The following RASA2 variants were observed in gnomAD, a reference collection of about 807,000 sequenced individuals.
RASA2 encodes the protein ras GTPase-activating protein 2.
RASA2 carries 155 observed loss-of-function variants against 118.2 expected under a neutral mutation model. That is an observed-to-expected ratio of 1.31 (90% CI 1.15 to 1.50). The LOEUF (loss-of-function observed/expected upper bound fraction) is 1.50, where lower values mean the gene tolerates loss of function less well. Among genes scored for constraint, RASA2 ranks in the 40% most tolerant of loss-of-function variants. The pLI, the probability that RASA2 is intolerant of heterozygous loss-of-function variation, is 0.00. For missense variants in RASA2, 1,016 were observed against 1,009.6 expected (o/e 1.01, Z -0.09); for synonymous variants, 353 against 349.1 (o/e 1.01, Z -0.12).
At position 141,613,036 on chromosome 3, in the gene RASA2, A is replaced by G. The variant is rs958765507; in HGVS notation, c.*723A>G. The G allele has an allele frequency of 6.6e-6, 1 of 152,260 alleles. No homozygotes were observed. Among genetic ancestry groups the G allele is most frequent in the South Asian group, 2.1e-4 (1 of 4,834 alleles). The allele number at this position is 152,260 out of a possible 1,614,324, so 9.4% of individuals were successfully genotyped here. On this transcript the variant is annotated 3_prime_UTR_variant, in exon 24 of 24. Coordinates refer to ENST00000286364, the MANE Select transcript of RASA2 (RefSeq NM_006506.5). ...CCACTGAAATTGTTTTCATTGTTTT[A>G]AATACCAGGTACTCATTTTCTTGAT...
rs917583030 is a variant in RASA2, at chr3:141,559,064, G to A, written c.761+102G>A. 1.9e-5 allele frequency: 18 copies of A among 926,524 alleles called. No homozygotes were observed. The Admixed American group carries it at 2.1e-4, about 11-fold the overall frequency. The allele number at this position is 926,524 out of a possible 1,614,324, so 57.4% of individuals were successfully genotyped here. On this transcript the variant is annotated intron_variant, in intron 8 of 23. Coordinates refer to ENST00000286364, the MANE Select transcript of RASA2 (RefSeq NM_006506.5). ...ACCAACTTTAATAGAATTCTCTATA[G>A]CAAGTTGGTTGATGAAACTTAGAGG...
At chr3:141,514,542 T>C (rs756962874) in intron 2 of RASA2, among the ~76,000 whole-genome samples, 5 of 152,198 alleles carry the variant, frequency 3.3e-5, no homozygotes, top group Admixed American at 6.5e-5. Context: ...TAGCTAAAGT[T>C]AAAGGCTGTC....
chr3:141,526,720 A>G (rs1242080188), intron 3 of RASA2, among the ~76,000 whole-genome samples: 2 of 152,194 alleles, frequency 1.3e-5, no homozygotes, highest in Admixed American at 1.3e-4. Flanking sequence ...AGAAACTGAC[A>G]TCTTAAAAAG....
Position 141,586,629 on chromosome 3 carries a change from A to T in RASA2, c.1827-17A>T. 1 of 1,534,244 alleles carries T rather than the reference A, an allele frequency of 6.5e-7. No homozygotes were observed. Among genetic ancestry groups the T allele is most frequent in the Non-Finnish European group, 9.0e-7 (1 of 1,114,136 alleles). Reference sequence around the variant, plus strand: ...TTAATTTTTATAGCTAAATGTTTACATCTGTTATGTTGGCAGTGAGATGTA... The same window carrying T: ...TTAATTTTTATAGCTAAATGTTTACTTCTGTTATGTTGGCAGTGAGATGTA... On this transcript the variant is annotated splice_polypyrimidine_tract_variant and intron_variant, in intron 18 of 23. Transcript: ENST00000286364.
At position 141,555,586 on chromosome 3, in the gene RASA2, A is replaced by AAAAGGTTG. The variant is rs2082637068; in HGVS notation, c.612-253_612-246dup. ...TAGAATGTGTTTTTAAAACCCCTGA[A>AAAAGGTTG]AAAGGTTGGCAATCTAGTGTGTCCG... On this transcript the variant is annotated intron_variant, in intron 6 of 23. Transcript: ENST00000286364. Among the ~76,000 whole-genome samples, 2 of 151,462 alleles carry AAAAGGTTG rather than the reference A, an allele frequency of 1.3e-5. 1 individual carries two copies. The highest frequency in any genetic ancestry group is 4.2e-4 in the South Asian group (2 of 4,786).
intron 4 of RASA2, among the ~76,000 whole-genome samples, chr3:141,534,837 C>A (rs2082306249): frequency 6.6e-6 from 1 of 151,534 alleles, no homozygotes; most frequent in African/African-American, 2.4e-5. Flanking sequence ...GAAAACAACA[C>A]CTTCATAAAG....
In RASA2 at chr3:141,602,866, G is replaced by C. The variant is rs1354798924; in HGVS notation, c.1934-4812G>C. ...GGCTTTCAGTTTTTGCCAGACTCTG[G>C]GATATTCCACATACATGCCTACGTT... On this transcript the variant is annotated intron_variant, in intron 19 of 23. Transcript: ENST00000286364. Among the ~76,000 whole-genome samples the C allele has an allele frequency of 3.9e-5, 6 of 152,254 alleles. No homozygotes were observed. The East Asian group carries it at 1.2e-3, about 29-fold the overall frequency.
intron 19 of RASA2, among the ~76,000 whole-genome samples, chr3:141,592,378 A>G (rs1038544136): frequency 2.0e-5 from 3 of 152,220 alleles, no homozygotes; most frequent in Admixed American, 2.0e-4. Flanking sequence ...TGTGGCTGGA[A>G]AATTGAAGAA....
At chr3:141,570,871 T>A (rs1560040361) in intron 9 of RASA2, 41 bp from the exon 10 acceptor site, 1 of 1,556,082 alleles carries the variant, frequency 6.4e-7, no homozygotes. Flanking sequence ...TTGGCTTGAA[T>A]GCATTTCCAT....
Position 141,608,596 on chromosome 3 carries a change from A to C in RASA2, c.2124A>C (p.Gln708His), listed in dbSNP as rs61750362. The change falls in exon 21 of 24, where the codon CAA becomes CAC. Residue 708 changes from glutamine (Q) to histidine (H), a missense_variant. By Grantham distance (24) the Gln-to-His change is conservative (BLOSUM62 0). This residue lies in a region of RASA2 where 120 missense variants were observed against 173.2 expected (regional missense o/e 0.69). Transcript: ENST00000286364. ...DVLCRVSRCN[Q>H]NRLSFYHPSV... ...TCTGCAGGGTGAGCCGATGCAATCA[A>C]AACAGGCTCAGTTTTTATCATCCCT... 6.2e-7 allele frequency: 1 copy of C among 1,613,960 alleles called. No individual in the cohort carries two copies. Among genetic ancestry groups the C allele is most frequent in the Non-Finnish European group, 8.5e-7 (1 of 1,179,884 alleles).
chr3:141,603,226 G>A lies in RASA2; in HGVS notation c.1934-4452G>A, dbSNP rs565516599. 3.3e-5 allele frequency among the ~76,000 whole-genome samples: 5 copies of A among 152,218 alleles called. No individual in the cohort carries two copies. In the South Asian group the frequency reaches 8.3e-4, roughly 25 times the overall value. On this transcript the variant is annotated intron_variant, in intron 19 of 23. Coordinates refer to ENST00000286364, the MANE Select transcript of RASA2 (RefSeq NM_006506.5). ...TAACATTGTTTTAGCTGTGTCCCTTGGGGCCAATATGTAGTTGGACATTCA... is the reference window on the plus strand; with the variant it reads ...TAACATTGTTTTAGCTGTGTCCCTTAGGGCCAATATGTAGTTGGACATTCA...
chr3:141,551,545 G>T (rs1243619022), intron 5 of RASA2, among the ~76,000 whole-genome samples: 2 of 152,120 alleles, frequency 1.3e-5, no homozygotes, highest in Non-Finnish European at 2.9e-5. Flanking sequence ...TTAGTACTCT[G>T]CCCTGGGGTC....
intron 5 of RASA2, among the ~76,000 whole-genome samples, chr3:141,550,675 T>G (rs916388847): frequency 6.6e-6 from 1 of 152,226 alleles, no homozygotes; most frequent in African/African-American, 2.4e-5. Context: ...CCAGGTCTGT[T>G]TTCTGAGTTT....
At chr3:141,529,143 C>G (rs2082223259) in intron 3 of RASA2, among the ~76,000 whole-genome samples, 2 of 152,002 alleles carry the variant, frequency 1.3e-5, no homozygotes, top group Non-Finnish European at 2.9e-5. Context: ...ATTGGAGCAA[C>G]ATAATCAGTG....
intron 19 of RASA2, among the ~76,000 whole-genome samples, chr3:141,594,873 G>GTT (rs35106155): frequency 2.3e-4 from 35 of 148,970 alleles, no homozygotes; most frequent in Non-Finnish European, 3.7e-4. Context: ...AAGAATGCCT[G>GTT]TTTTTTTTTT....
At chr3:141,551,023 G>A (rs2082566855) in intron 5 of RASA2, among the ~76,000 whole-genome samples, 1 of 151,992 alleles carries the variant, frequency 6.6e-6, no homozygotes, top group African/African-American at 2.4e-5. Flanking sequence ...AAATGTCTTT[G>A]TCTGCTAGTT....
Position 141,583,340 on chromosome 3 carries a change from G to A in RASA2, c.1752+2163G>A, listed in dbSNP as rs531185257. ...CTAGGGAGGCTGAGGCGAGAGAATC[G>A]CTTGAACCCAGGAGGTAGAGGTTGC... On this transcript the variant is annotated intron_variant, in intron 17 of 23. Transcript: ENST00000286364. Among the ~76,000 whole-genome samples the A allele has an allele frequency of 2.6e-5, 4 of 152,162 alleles. No individual in the cohort carries two copies. The East Asian group carries it at 5.8e-4, about 22-fold the overall frequency.
chr3:141,576,917 ATG>A lies in RASA2; in HGVS notation c.1484-81_1484-80del, dbSNP rs1245497391. ...AAATTATGTTGCTCTCCTAGTTTAC[ATG>A]TCTTTTCTATATTTTTTAATTTATC... is the stretch of plus-strand genomic sequence containing the variant. On this transcript the variant is annotated intron_variant, in intron 14 of 23. Coordinates refer to ENST00000286364, the MANE Select transcript of RASA2 (RefSeq NM_006506.5). 3.5e-6 allele frequency: 3 copies of A among 849,076 alleles called. No homozygotes were observed. In the African/African-American group the frequency reaches 5.3e-5, roughly 15 times the overall value. 52.6% of individuals were successfully genotyped at this position (849,076 alleles called of 1,614,324 possible).
At chr3:141,546,477 T>C (rs933402039) in intron 5 of RASA2, among the ~76,000 whole-genome samples, 1 of 152,238 alleles carries the variant, frequency 6.6e-6, no homozygotes, top group African/African-American at 2.4e-5. Context: ...TGTTTGCCAT[T>C]TGTATGTCTT....
Sources: allele counts gnomAD v4.1 joint callset (sites outside exome capture counted in the v4.1 genomes callset), GRCh38; gene constraint gnomAD v4.1.1; regional missense constraint gnomAD v4.1.1; transcripts MANE v1.5; gene names NCBI Gene and HGNC (gene_info 2026-07-23, HGNC 2026-07-21).